SLC9A9: variants seen among roughly 807,000 people sequenced by gnomAD.
The protein encoded by SLC9A9 is sodium/hydrogen exchanger 9.
A neutral mutation model predicts 77.8 loss-of-function variants in SLC9A9; 62 were observed. The ratio of observed to expected loss-of-function variants is 0.80; its 90% CI spans 0.65 to 0.98. The LOEUF is 0.98. Ranked by LOEUF, SLC9A9 falls within the 50% of genes least tolerant of loss-of-function variation. The pLI is 0.00. For synonymous variants in SLC9A9, 320 were observed against 283.5 expected (o/e 1.13, Z -1.29); for missense variants, 775 against 774.9 (o/e 1.00, Z 0.00).
rs139773859 is a variant in SLC9A9 at position 143,317,911 on chromosome 3, T to C, written c.1604+45573A>G. ...CCTGGCTAATTTTTTGTATTTTTAG[T>C]AGAGACGGGGTTTCACCGTGTTAGC... On this transcript the variant is annotated intron_variant, in intron 14 of 15. Transcript: ENST00000316549. Among the ~76,000 whole-genome samples, 112 of 152,292 alleles carry C rather than the reference T, an allele frequency of 7.4e-4. 1 individual carries two copies. The highest frequency in any genetic ancestry group is 2.6e-3 in the African/African-American group (108 of 41,546).
intron 5 of SLC9A9, among the ~76,000 whole-genome samples, chr3:143,654,752 C>G (rs1343312395): frequency 6.6e-6 from 1 of 152,148 alleles, no homozygotes; most frequent in East Asian, 1.9e-4. Flanking sequence ...CAGCCCATCT[C>G]CACTTCCATG....
At chr3:143,372,650 A>G (rs1224971316) in intron 13 of SLC9A9, among the ~76,000 whole-genome samples, 1 of 152,156 alleles carries the variant, frequency 6.6e-6, no homozygotes, top group Non-Finnish European at 1.5e-5. Flanking sequence ...TACGTGTAGC[A>G]AAATAAATTA....
At chr3:143,287,924 T>C (rs1938425716) in intron 14 of SLC9A9, among the ~76,000 whole-genome samples, 1 of 152,202 alleles carries the variant, frequency 6.6e-6, no homozygotes, top group South Asian at 2.1e-4. Flanking sequence ...ACTAGGATGG[T>C]ATTCTCCAGT....
At chr3:143,567,167 C>T (rs1261117419) in intron 8 of SLC9A9, among the ~76,000 whole-genome samples, 1 of 152,056 alleles carries the variant, frequency 6.6e-6, no homozygotes, top group Non-Finnish European at 1.5e-5. Context: ...TACCCAAAAG[C>T]CACATTCTGT....
At chr3:143,618,331 G>C (rs1324063219) in intron 6 of SLC9A9, among the ~76,000 whole-genome samples, 4 of 152,136 alleles carry the variant, frequency 2.6e-5, no homozygotes, top group South Asian at 4.1e-4. Flanking sequence ...GTATAGAGAG[G>C]GTCTTTGGAA....
At chr3:143,511,159 G>C (rs1398656829) in intron 9 of SLC9A9, among the ~76,000 whole-genome samples, 2 of 152,144 alleles carry the variant, frequency 1.3e-5, no homozygotes, top group African/African-American at 4.8e-5. Context: ...GCCTTGGGCT[G>C]GTGCAGTGGG....
chr3:143,481,815 C>T lies in SLC9A9; in HGVS notation c.1315+11838G>A, dbSNP rs75834804. ...ATGGGGACTGGTAATTACTGTGGGACGGTCCTGGTAGCTTAATGGAGTTCC... is the reference window on the plus strand; with the variant it reads ...ATGGGGACTGGTAATTACTGTGGGATGGTCCTGGTAGCTTAATGGAGTTCC... On this transcript the variant is annotated intron_variant, in intron 11 of 15. Transcript: ENST00000316549. 1.5e-3 allele frequency among the ~76,000 whole-genome samples: 227 copies of T among 152,270 alleles called. 1 individual carries two copies. Among genetic ancestry groups the T allele is most frequent in the African/African-American group, 5.2e-3 (215 of 41,570 alleles).
chr3:143,484,832 C>T (rs990179416), intron 11 of SLC9A9, among the ~76,000 whole-genome samples: 2 of 152,182 alleles, frequency 1.3e-5, no homozygotes, highest in African/African-American at 2.4e-5. Flanking sequence ...ACACAAACTC[C>T]CCATGTCTCA....
chr3:143,409,957 A>T (rs2034060811), intron 12 of SLC9A9, among the ~76,000 whole-genome samples: 1 of 152,244 alleles, frequency 6.6e-6, no homozygotes. Context: ...GTCATTGAAC[A>T]GCAACTGAGA....
intron 14 of SLC9A9, among the ~76,000 whole-genome samples, chr3:143,329,822 C>T (rs2031712737): frequency 6.6e-6 from 1 of 152,158 alleles, no homozygotes; most frequent in South Asian, 2.1e-4. Flanking sequence ...CCCCGGTGCA[C>T]AGCAGCCCCG....
At position 143,790,664 on chromosome 3, in the gene SLC9A9, C is replaced by T. The variant is rs1474208271; in HGVS notation, c.533+4337G>A. 3.9e-5 allele frequency among the ~76,000 whole-genome samples: 6 copies of T among 152,168 alleles called. No homozygotes were observed. In the East Asian group the frequency reaches 9.6e-4, roughly 24 times the overall value. On this transcript the variant is annotated intron_variant, in intron 4 of 15. Coordinates refer to ENST00000316549, the MANE Select transcript of SLC9A9 (RefSeq NM_173653.4). ...TATAATCTTGGACAAGTCTAAACTA[C>T]AGCATCTTCATATGTAAAATAATGA...
intron 4 of SLC9A9, among the ~76,000 whole-genome samples, chr3:143,705,311 G>T (rs1336011257): frequency 1.3e-5 from 2 of 152,024 alleles, no homozygotes; most frequent in Non-Finnish European, 2.9e-5. Flanking sequence ...TAGTGGGGGT[G>T]TGGAGGAGGG....
intron 14 of SLC9A9, among the ~76,000 whole-genome samples, chr3:143,278,074 T>G (rs1252630093): frequency 2.0e-5 from 3 of 152,254 alleles, no homozygotes; most frequent in African/African-American, 7.2e-5. Flanking sequence ...GTATCCAGCT[T>G]CATCCATGTC....
chr3:143,666,316 G>T (rs1215750252), intron 5 of SLC9A9, among the ~76,000 whole-genome samples: 1 of 152,072 alleles, frequency 6.6e-6, no homozygotes, highest in Non-Finnish European at 1.5e-5. Context: ...AATAAACTAG[G>T]TATTGATGGG....
intron 12 of SLC9A9, among the ~76,000 whole-genome samples, chr3:143,413,597 A>G (rs959673806): frequency 6.6e-5 from 10 of 152,272 alleles, no homozygotes; most frequent in Middle Eastern, 3.4e-3. Flanking sequence ...TTCACCTGTC[A>G]CCAGACCTCT....
At chr3:143,594,759 G>GAA (rs11330385) in intron 6 of SLC9A9, among the ~76,000 whole-genome samples, 1 of 148,722 alleles carries the variant, frequency 6.7e-6, no homozygotes, top group African/African-American at 2.5e-5. Flanking sequence ...TATTAAACCA[G>GAA]AAAAAAAAAA....
chr3:143,516,544 C>T (rs529417269), intron 9 of SLC9A9, among the ~76,000 whole-genome samples: 12 of 152,150 alleles, frequency 7.9e-5, no homozygotes, highest in African/African-American at 9.6e-5. Flanking sequence ...CTGGAAAATT[C>T]GGGTATGCAG....
intron 11 of SLC9A9, among the ~76,000 whole-genome samples, chr3:143,489,730 T>TA (rs1344299076): frequency 6.6e-6 from 1 of 151,332 alleles, no homozygotes; most frequent in Non-Finnish European, 1.5e-5. Context: ...GTAAACAGAG[T>TA]AAAAAAGGCA....
At chr3:143,674,224 T>C (rs567922827) in intron 5 of SLC9A9, among the ~76,000 whole-genome samples, 1 of 152,202 alleles carries the variant, frequency 6.6e-6, no homozygotes, top group Non-Finnish European at 1.5e-5. Flanking sequence ...GAGGTTCCAA[T>C]AAGTTAAAGC....
Sources: gnomAD v4.1 joint callset for allele counts (sites outside exome capture counted in the v4.1 genomes callset) on GRCh38, gnomAD v4.1.1 for gene constraint, MANE v1.5 for transcripts, NCBI Gene and HGNC (gene_info 2026-07-23, HGNC 2026-07-21) for gene names.